The following RTN1 variants were observed in gnomAD, a reference collection of about 807,000 sequenced individuals.
RTN1 encodes reticulon 1, also known as reticulon-1.
A neutral mutation model predicts 65.5 loss-of-function variants in RTN1; 25 were observed. The ratio of observed to expected loss-of-function variants is 0.38; its 90% confidence interval spans 0.28 to 0.53. RTN1 has a LOEUF of 0.53. RTN1 is among the 20% of genes least tolerant of loss of function. RTN1 has a pLI of 0.79. For missense variants in RTN1, 983 were observed against 1,025.4 expected (o/e 0.96, Z 0.57); for synonymous variants, 471 against 447.6 (o/e 1.05, Z -0.66).
At chr14:59,729,989 G>A (rs888510128) in intron 2 of RTN1, among the ~76,000 whole-genome samples, 15 of 152,260 alleles carry the variant, frequency 9.9e-5, no homozygotes, top group African/African-American at 3.6e-4. Flanking sequence ...CTTCCTCTTG[G>A]TCTTTAGGTC....
intron 3 of RTN1, among the ~76,000 whole-genome samples, chr14:59,702,537 A>T (rs1328399151): frequency 1.3e-5 from 2 of 152,130 alleles, no homozygotes; most frequent in African/African-American, 4.8e-5. Context: ...GAAACCCAAA[A>T]CTGTGGAGTC....
chr14:59,734,800 T>C (rs997501587), intron 2 of RTN1, among the ~76,000 whole-genome samples: 1 of 152,094 alleles, frequency 6.6e-6, no homozygotes. Context: ...AGAACCAAGT[T>C]GGAAAACATA....
At chr14:59,777,178 C>T (rs1482426935) in intron 1 of RTN1, among the ~76,000 whole-genome samples, 1 of 152,096 alleles carries the variant, frequency 6.6e-6, no homozygotes, top group Non-Finnish European at 1.5e-5. Context: ...TGGTCCGATA[C>T]CGTGTTATTG....
intron 3 of RTN1, among the ~76,000 whole-genome samples, chr14:59,721,917 G>T (rs951182861): frequency 6.6e-6 from 1 of 151,962 alleles, no homozygotes; most frequent in Non-Finnish European, 1.5e-5. Context: ...GCTCTCCAAT[G>T]GATGGATGGA....
intron 1 of RTN1, among the ~76,000 whole-genome samples, chr14:59,756,757 T>C (rs1051738074): frequency 2.0e-5 from 3 of 151,902 alleles, no homozygotes; most frequent in Non-Finnish European, 2.9e-5. Context: ...GTTTGCACTT[T>C]AATAGCTCTT....
At chr14:59,786,413 C>T (rs1886250689) in intron 1 of RTN1, among the ~76,000 whole-genome samples, 2 of 152,130 alleles carry the variant, frequency 1.3e-5, no homozygotes, top group South Asian at 4.1e-4. Context: ...GAAGTGCAGG[C>T]CTGAGCTCCT....
chr14:59,617,407 C>T (rs368576854), intron 3 of RTN1, among the ~76,000 whole-genome samples: 110 of 152,310 alleles, frequency 7.2e-4, no homozygotes, highest in African/African-American at 2.6e-3. Context: ...CTTAACAGAA[C>T]AGAGTTCTAT....
chr14:59,598,122 A>G lies in RTN1; in HGVS notation c.2289-1335T>C, dbSNP rs985632956. On this transcript the variant is annotated intron_variant, in intron 8 of 8. Transcript: ENST00000267484. ...GAGTAGAAGCAATGAACAGAGGGAGAGAAACCCACAGCAGTCCAAGTACCC... is the reference window on the plus strand; with the variant it reads ...GAGTAGAAGCAATGAACAGAGGGAGGGAAACCCACAGCAGTCCAAGTACCC... 2.0e-5 allele frequency among the ~76,000 whole-genome samples: 3 copies of G among 152,264 alleles called. No homozygotes were observed. The South Asian group carries it at 6.2e-4, about 32-fold the overall frequency.
intron 3 of RTN1, among the ~76,000 whole-genome samples, chr14:59,722,141 T>C (rs1002978224): frequency 6.6e-6 from 1 of 152,196 alleles, no homozygotes; most frequent in Non-Finnish European, 1.5e-5. Flanking sequence ...TGTAAGAGGG[T>C]TAGAGTCCTG....
chr14:59,787,394 C>T (rs1385023893), intron 1 of RTN1, among the ~76,000 whole-genome samples: 1 of 152,126 alleles, frequency 6.6e-6, no homozygotes, highest in Non-Finnish European at 1.5e-5. Flanking sequence ...GAAAATAGTA[C>T]CAGTCTCATA....
intron 3 of RTN1, among the ~76,000 whole-genome samples, chr14:59,649,106 C>T (rs1159132571): frequency 6.6e-6 from 1 of 152,164 alleles, no homozygotes; most frequent in African/African-American, 2.4e-5. Flanking sequence ...TAATGCCACA[C>T]ATTTACAACC....
intron 3 of RTN1, among the ~76,000 whole-genome samples, chr14:59,640,613 C>T (rs1332913990): frequency 1.3e-5 from 2 of 152,150 alleles, no homozygotes; most frequent in Non-Finnish European, 2.9e-5. Flanking sequence ...CCGTGCCTGG[C>T]CTGACTTTGT....
chr14:59,699,115 C>T (rs1422380512), intron 3 of RTN1, among the ~76,000 whole-genome samples: 1 of 152,018 alleles, frequency 6.6e-6, no homozygotes, highest in Admixed American at 6.6e-5. Context: ...GCTGAAACTG[C>T]TGCACTTTTC....
At chr14:59,665,896 C>T (rs1883360241) in intron 3 of RTN1, among the ~76,000 whole-genome samples, 1 of 152,088 alleles carries the variant, frequency 6.6e-6, no homozygotes, top group Non-Finnish European at 1.5e-5. Flanking sequence ...GCTAACTATC[C>T]TAAATATATA....
chr14:59,609,246 T>C (rs1464918642), intron 3 of RTN1, among the ~76,000 whole-genome samples: 3 of 151,410 alleles, frequency 2.0e-5, no homozygotes, highest in Non-Finnish European at 4.4e-5. Flanking sequence ...GATGGCACCA[T>C]TGCACTCAGC....
At chr14:59,643,682 A>G (rs1882829651) in intron 3 of RTN1, among the ~76,000 whole-genome samples, 1 of 152,208 alleles carries the variant, frequency 6.6e-6, no homozygotes, top group African/African-American at 2.4e-5. Context: ...AAAACTGAGC[A>G]GAGATATCAG....
chr14:59,845,108 CA>C (rs1394129187), intron 1 of RTN1, among the ~76,000 whole-genome samples: 3 of 152,104 alleles, frequency 2.0e-5, no homozygotes, highest in African/African-American at 7.2e-5. Flanking sequence ...TTTCCTGCAG[CA>C]ATCGAAAATT....
In RTN1 at chr14:59,792,791, T is replaced by C. The variant is rs566921509; in HGVS notation, c.242-46310A>G. Among the ~76,000 whole-genome samples, 11 of 152,302 alleles carry C rather than the reference T, an allele frequency of 7.2e-5. No individual in the cohort carries two copies. In the East Asian group the frequency reaches 2.1e-3, roughly 29 times the overall value. Reference sequence around the variant, plus strand: ...AATACTAGTAGGAAGCAAAAAATAGTCAATAATTCTTTCCAGATTTCCTAG... The same window carrying C: ...AATACTAGTAGGAAGCAAAAAATAGCCAATAATTCTTTCCAGATTTCCTAG... On this transcript the variant is annotated intron_variant, in intron 1 of 8. Coordinates refer to ENST00000267484, the MANE Select transcript of RTN1 (RefSeq NM_021136.3).
At chr14:59,605,249 G>T in intron 5 of RTN1, 119 bp downstream of exon 5, 1 of 1,066,290 alleles carries the variant, frequency 9.4e-7, no homozygotes, top group Non-Finnish European at 1.3e-6. Context: ...GAGGTCTTCT[G>T]ACTCTAGAAT....
Sources: gnomAD v4.1 joint callset for allele counts (sites outside exome capture counted in the v4.1 genomes callset) on GRCh38, gnomAD v4.1.1 for gene constraint, MANE v1.5 for transcripts, NCBI Gene and HGNC (gene_info 2026-07-23, HGNC 2026-07-21) for gene names.